The following CELF2 variants were observed in gnomAD, a reference collection of about 807,000 sequenced individuals.
CELF2 encodes the protein CUGBP Elav-like family member 2.
A neutral mutation model predicts 62.6 loss-of-function variants in CELF2; 8 were observed. The observed-to-expected ratio is 0.13, with a 90% CI of 0.07 to 0.23. The LOEUF (loss-of-function observed/expected upper bound fraction) is 0.23, where lower values mean the gene tolerates loss of function less well. Ranked by LOEUF, CELF2 falls within the 10% of genes least tolerant of loss-of-function variation. The pLI, the probability that CELF2 is intolerant of heterozygous loss-of-function variation, is 1.00. For synonymous variants in CELF2, 258 were observed against 250.0 expected (o/e 1.03, Z -0.30); for missense variants, 333 against 671.0 (o/e 0.50, Z 5.56).
chr10:10,754,435 A>G, the CELF2 span, among the ~76,000 whole-genome samples: 2 of 152,234 alleles, frequency 1.3e-5, no homozygotes, highest in South Asian at 4.1e-4. Context: ...TCCAAGGATA[A>G]GCCAACACGC....
chr10:10,693,566 G>T, the CELF2 span, among the ~76,000 whole-genome samples: 1 of 150,844 alleles, frequency 6.6e-6, no homozygotes, highest in African/African-American at 2.4e-5. Context: ...CTATTGATTG[G>T]AATAGTTTCA....
chr10:10,986,090 T>C (rs774613909), intron 2 of CELF2, among the ~76,000 whole-genome samples: 2 of 152,340 alleles, frequency 1.3e-5, no homozygotes, highest in African/African-American at 2.4e-5. Context: ...GAAAATTCCA[T>C]AGATAGTTGA....
intron 1 of CELF2, among the ~76,000 whole-genome samples, chr10:10,907,285 A>T (rs117255682): frequency 6.6e-6 from 1 of 152,230 alleles, no homozygotes; most frequent in Non-Finnish European, 1.5e-5. Context: ...AGTATGTTTC[A>T]TTGACTATAA....
the CELF2 span, among the ~76,000 whole-genome samples, chr10:10,570,221 G>A: frequency 6.6e-6 from 1 of 152,118 alleles, no homozygotes; most frequent in Non-Finnish European, 1.5e-5. Flanking sequence ...CCCACCTCCT[G>A]GATCAGTCAA....
chr10:10,853,289 A>G (rs1387871213), intron 1 of CELF2, among the ~76,000 whole-genome samples: 1 of 152,106 alleles, frequency 6.6e-6, no homozygotes, highest in African/African-American at 2.4e-5. Flanking sequence ...CCTATTAATC[A>G]TTATTTTAAC....
chr10:11,151,080 G>A lies in CELF2; in HGVS notation c.75-14406G>A, dbSNP rs74851086. Among the ~76,000 whole-genome samples the A allele has an allele frequency of 2.7e-4, 41 of 152,370 alleles. No homozygotes were observed. The East Asian group carries it at 7.5e-3, about 28-fold the overall frequency. ...TATTTAATTGGTTAGACTTGTTGGT[G>A]AGAAAGGCATGCTGTTTGTAGTCTG... On this transcript the variant is annotated intron_variant, in intron 1 of 12. Coordinates refer to ENST00000633077, the MANE Select transcript of CELF2 (RefSeq NM_001326342.2).
chr10:11,045,891 C>A lies in CELF2; in HGVS notation c.74+27728C>A, dbSNP rs1010716544. ...TGGCACTTAATCTGGCCAGGACACTCACAATACCCGTTAGAATGTGTGCTT... is the reference window on the plus strand; with the variant it reads ...TGGCACTTAATCTGGCCAGGACACTAACAATACCCGTTAGAATGTGTGCTT... On this transcript the variant is annotated intron_variant, in intron 1 of 12. Transcript: ENST00000633077. Among the ~76,000 whole-genome samples the A allele has an allele frequency of 9.9e-5, 15 of 152,276 alleles. No individual in the cohort carries two copies. In the East Asian group the frequency reaches 2.7e-3, roughly 27 times the overall value.
intron 2 of CELF2, among the ~76,000 whole-genome samples, chr10:11,183,129 C>T (rs1002745482): frequency 2.0e-5 from 3 of 152,230 alleles, no homozygotes; most frequent in Admixed American, 2.0e-4. Flanking sequence ...GCAGTCCCTT[C>T]TGTCCTGGCT....
At chr10:10,493,437 A>T in the CELF2 span, among the ~76,000 whole-genome samples, 2 of 152,212 alleles carry the variant, frequency 1.3e-5, no homozygotes, top group South Asian at 4.1e-4. Flanking sequence ...GGTAAATTTT[A>T]TATATACTTT....
intron 2 of CELF2, among the ~76,000 whole-genome samples, chr10:10,998,012 G>A (rs963429003): frequency 1.1e-4 from 17 of 152,086 alleles, no homozygotes; most frequent in Admixed American, 1.0e-3. Flanking sequence ...GAGATCTGAT[G>A]GTTTTATAAA....
chr10:10,489,741 G>C, the CELF2 span, among the ~76,000 whole-genome samples: 2 of 151,932 alleles, frequency 1.3e-5, no homozygotes, highest in African/African-American at 4.8e-5. Context: ...TATATCCTGT[G>C]TGGCCTATCC....
the CELF2 span, among the ~76,000 whole-genome samples, chr10:10,584,360 G>A: frequency 1.1e-3 from 169 of 152,312 alleles, no homozygotes; most frequent in African/African-American, 3.8e-3. Context: ...GTGAGGTACA[G>A]AACTGCTGGA....
chr10:10,810,338 A>C (rs1375760551), intron 1 of CELF2, among the ~76,000 whole-genome samples: 3 of 152,108 alleles, frequency 2.0e-5, no homozygotes, highest in Non-Finnish European at 4.4e-5. Flanking sequence ...GAGAGCTAAA[A>C]TTTACCACTA....
At chr10:10,541,987 G>A in the CELF2 span, among the ~76,000 whole-genome samples, 1 of 152,184 alleles carries the variant, frequency 6.6e-6, no homozygotes, top group African/African-American at 2.4e-5. Context: ...GCTAATTGAA[G>A]TTCATTTGTC....
intron 2 of CELF2, among the ~76,000 whole-genome samples, chr10:11,169,665 C>A (rs673339): frequency 0.27 from 41,684 of 152,112 alleles, 5,897 homozygotes; most frequent in South Asian, 0.34. Flanking sequence ...TTGTTAGACT[C>A]TCGAGACTCT....
chr10:11,319,686 C>A lies in CELF2; in HGVS notation c.1097-1503C>A, dbSNP rs376303951. On this transcript the variant is annotated intron_variant, in intron 10 of 12. Coordinates refer to ENST00000633077, the MANE Select transcript of CELF2 (RefSeq NM_001326342.2). This position sits in a 1 kb window ranked among gnomAD's most constrained non-coding sequence, Gnocchi z 4.4. ...ACTCCATTCTCACGCCATTCACACT[C>A]GTCTCGCCACCCCTGCTTGGTGTCT... 4.6e-6 allele frequency: 2 copies of A among 434,682 alleles called. No homozygotes were observed. Among genetic ancestry groups the A allele is most frequent in the Non-Finnish European group, 9.6e-6 (2 of 207,856 alleles). 26.9% of individuals were successfully genotyped at this position (434,682 alleles called of 1,614,324 possible).
intron 1 of CELF2, among the ~76,000 whole-genome samples, chr10:10,815,171 C>A (rs1357690064): frequency 2.0e-5 from 3 of 152,088 alleles, no homozygotes; most frequent in African/African-American, 7.2e-5. Context: ...CCTCTGGAGC[C>A]CCTGCCCTGG....
the CELF2 span, among the ~76,000 whole-genome samples, chr10:10,661,466 A>G: frequency 6.6e-6 from 1 of 152,230 alleles, no homozygotes; most frequent in African/African-American, 2.4e-5. Context: ...TAAAGGTGCT[A>G]TGAACATTCT....
the CELF2 span, among the ~76,000 whole-genome samples, chr10:10,464,612 C>G: frequency 6.6e-6 from 1 of 152,132 alleles, no homozygotes; most frequent in Admixed American, 6.5e-5. Flanking sequence ...TAAGCACAAC[C>G]TCTCAGACTC....
Sources: allele counts gnomAD v4.1 joint callset (sites outside exome capture counted in the v4.1 genomes callset), GRCh38; gene constraint gnomAD v4.1.1; non-coding constraint Gnocchi (gnomAD v3.1); transcripts MANE v1.5; gene names NCBI Gene and HGNC (gene_info 2026-07-23, HGNC 2026-07-21).